The following NELL1 variants were observed in gnomAD, a reference collection of about 807,000 sequenced individuals.
NELL1 encodes the protein protein kinase C-binding protein NELL1.
NELL1 carries 76 observed loss-of-function variants against 107.4 expected under a neutral mutation model. The observed-to-expected ratio is 0.71, with a 90% CI of 0.59 to 0.86. NELL1 has a LOEUF of 0.86. Ranked by LOEUF, NELL1 falls within the 40% of genes least tolerant of loss-of-function variation. NELL1 has a pLI of 0.00. For synonymous variants in NELL1, 353 were observed against 341.2 expected (o/e 1.03, Z -0.38); for missense variants, 1,024 against 1,005.5 (o/e 1.02, Z -0.25).
intron 2 of NELL1, among the ~76,000 whole-genome samples, chr11:20,684,618 CT>C (rs1854264137): frequency 6.6e-6 from 1 of 152,014 alleles, no homozygotes; most frequent in Non-Finnish European, 1.5e-5. Flanking sequence ...CCTTGCATGC[CT>C]CTTAATTTTT....
intron 16 of NELL1, among the ~76,000 whole-genome samples, chr11:21,537,038 C>A (rs1856157053): frequency 9.4e-6 from 1 of 106,496 alleles, no homozygotes; most frequent in African/African-American, 3.0e-5. Flanking sequence ...GAGTTGGAGT[C>A]ATTGGATTAG....
chr11:20,707,836 A>C (rs1042801970), intron 2 of NELL1, among the ~76,000 whole-genome samples: 12 of 152,218 alleles, frequency 7.9e-5, no homozygotes, highest in Non-Finnish European at 1.8e-4. Flanking sequence ...TCAGATCTCA[A>C]ACTCCATGCT....
intron 12 of NELL1, among the ~76,000 whole-genome samples, chr11:21,038,620 C>T (rs552556502): frequency 6.6e-6 from 1 of 152,302 alleles, no homozygotes; most frequent in African/African-American, 2.4e-5. Flanking sequence ...TCCTGACCAT[C>T]CTGGTCTCTT....
At chr11:21,423,163 G>A (rs1852732296) in intron 15 of NELL1, among the ~76,000 whole-genome samples, 1 of 152,014 alleles carries the variant, frequency 6.6e-6, no homozygotes, top group South Asian at 2.1e-4. Context: ...TCAAGAGATG[G>A]AGACCATCCT....
intron 8 of NELL1, 112 bp downstream of exon 8, chr11:20,927,554 G>A (rs1590425578): frequency 7.5e-6 from 8 of 1,072,066 alleles, no homozygotes; most frequent in Non-Finnish European, 9.2e-6. Flanking sequence ...GAATTGTTAG[G>A]TTTTTACCTA....
intron 12 of NELL1, among the ~76,000 whole-genome samples, chr11:20,966,738 G>A (rs1324350740): frequency 6.6e-6 from 1 of 151,988 alleles, no homozygotes; most frequent in African/African-American, 2.4e-5. Context: ...GCTTTTCTCT[G>A]CCTCTGCTTT....
chr11:21,034,324 C>T (rs903315056), intron 12 of NELL1, among the ~76,000 whole-genome samples: 3 of 152,102 alleles, frequency 2.0e-5, no homozygotes, highest in East Asian at 1.9e-4. Context: ...GTTATAGGTA[C>T]GTGGCCTTAT....
intron 5 of NELL1, among the ~76,000 whole-genome samples, chr11:20,895,271 CAAAAAAAAAAAAAAAAAAAAAAAAAA>C (rs1156409312): frequency 2.7e-3 from 28 of 10,488 alleles, no homozygotes; most frequent in Middle Eastern, 0.17. Context: ...GACTCCGTCT[CAAAAAAAAAAAAAAAAAAAAAAAAAA>C]AAAAAAAAAA....
chr11:20,887,771 C>T (rs1849539902), intron 5 of NELL1, among the ~76,000 whole-genome samples: 1 of 152,092 alleles, frequency 6.6e-6, no homozygotes, highest in African/African-American at 2.4e-5. Context: ...GATTAGGTAC[C>T]TTGGGAGTCC....
chr11:20,886,527 G>A (rs559833631), intron 5 of NELL1, among the ~76,000 whole-genome samples: 1 of 152,206 alleles, frequency 6.6e-6, no homozygotes, highest in Non-Finnish European at 1.5e-5. Flanking sequence ...CCAAATATAT[G>A]GAGGGGAGAG....
chr11:21,187,827 T>G (rs1856967032), intron 13 of NELL1, among the ~76,000 whole-genome samples: 1 of 151,928 alleles, frequency 6.6e-6, no homozygotes, highest in Admixed American at 6.5e-5. Flanking sequence ...GATTATAGAC[T>G]TTTAGAGCAG....
intron 5 of NELL1, among the ~76,000 whole-genome samples, chr11:20,904,179 G>T (rs1180707706): frequency 6.6e-6 from 1 of 151,540 alleles, no homozygotes. Flanking sequence ...TGCACAATGT[G>T]CACATGTACC....
chr11:21,338,733 C>T (rs1850493139), intron 14 of NELL1, among the ~76,000 whole-genome samples: 1 of 152,050 alleles, frequency 6.6e-6, no homozygotes, highest in South Asian at 2.1e-4. Context: ...GGAGCTATCC[C>T]TGCAGCAGGA....
At position 21,132,207 on chromosome 11, in the gene NELL1, A is replaced by C. The variant is rs559275640; in HGVS notation, c.1426+18493A>C. On this transcript the variant is annotated intron_variant, in intron 13 of 19. Transcript: ENST00000357134. The stretch of plus-strand genomic sequence containing the variant: ...TTTGTGTGTGTGTGTGTGTGTGTGC[A>C]TGTCTGTGTGTGTATTTGTATATGC... 3.3e-5 allele frequency among the ~76,000 whole-genome samples: 5 copies of C among 151,052 alleles called. No individual in the cohort carries two copies. In the South Asian group the frequency reaches 1.0e-3, roughly 32 times the overall value.
intron 15 of NELL1, among the ~76,000 whole-genome samples, chr11:21,438,052 T>C (rs1853174015): frequency 1.3e-5 from 2 of 152,192 alleles, no homozygotes; most frequent in Non-Finnish European, 2.9e-5. Context: ...CTTTCCTATT[T>C]GTGTATCTAA....
At chr11:20,934,603 G>A (rs1462645831) in intron 9 of NELL1, among the ~76,000 whole-genome samples, 2 of 152,180 alleles carry the variant, frequency 1.3e-5, no homozygotes, top group Middle Eastern at 3.2e-3. Flanking sequence ...GAGTGGCAAG[G>A]GGCAAAGGAA....
intron 15 of NELL1, among the ~76,000 whole-genome samples, chr11:21,507,829 G>A (rs968315731): frequency 6.7e-6 from 1 of 150,242 alleles, no homozygotes; most frequent in African/African-American, 2.5e-5. Context: ...TCACCAGGCT[G>A]GAGTGCGGCG....
At chr11:20,952,110 A>G (rs889975853) in intron 11 of NELL1, among the ~76,000 whole-genome samples, 2 of 152,040 alleles carry the variant, frequency 1.3e-5, no homozygotes, top group Admixed American at 6.6e-5. Flanking sequence ...CCACTCCAGG[A>G]AAACAGACCC....
intron 14 of NELL1, among the ~76,000 whole-genome samples, chr11:21,366,968 A>C (rs1851235950): frequency 6.6e-6 from 1 of 152,108 alleles, no homozygotes; most frequent in African/African-American, 2.4e-5. Flanking sequence ...ATGGTACTGG[A>C]CATCCACAAA....
Sources: allele counts gnomAD v4.1 joint callset (sites outside exome capture counted in the v4.1 genomes callset), GRCh38; gene constraint gnomAD v4.1.1; transcripts MANE v1.5; gene names NCBI Gene and HGNC (gene_info 2026-07-23, HGNC 2026-07-21).